PLB1: variants seen among roughly 807,000 people sequenced by gnomAD.
The protein encoded by PLB1 is phospholipase B1, membrane-associated.
A neutral mutation model predicts 227.4 loss-of-function variants in PLB1; 242 were observed. The ratio of observed to expected loss-of-function variants is 1.06; its 90% confidence interval spans 0.96 to 1.18. The LOEUF is 1.18. Ranked by LOEUF, PLB1 falls within the 50% of genes most tolerant of loss-of-function variation. PLB1 has a pLI of 0.00. For synonymous variants in PLB1, 757 were observed against 682.2 expected (o/e 1.11, Z -1.71); for missense variants, 1,858 against 1,816.3 (o/e 1.02, Z -0.42).
intron 6 of PLB1, among the ~76,000 whole-genome samples, chr2:28,528,437 G>A (rs969139114): frequency 6.6e-6 from 1 of 152,150 alleles, no homozygotes; most frequent in African/African-American, 2.4e-5. Flanking sequence ...TCTGGGACAT[G>A]TTCTCTGCAT....
intron 26 of PLB1, among the ~76,000 whole-genome samples, 186 bp downstream of exon 26, chr2:28,586,028 A>G (rs1253621242): frequency 1.3e-5 from 2 of 152,208 alleles, no homozygotes; most frequent in African/African-American, 2.4e-5. Context: ...GAATTGCACC[A>G]CAGAACCAAG....
At chr2:28,592,531 G>GCA in intron 31 of PLB1, 130 bp from the exon 32 acceptor site, 1 of 893,752 alleles carries the variant, frequency 1.1e-6, no homozygotes, top group Non-Finnish European at 1.9e-6. Flanking sequence ...ATGGCACTGT[G>GCA]CACACCCAGC....
chr2:28,641,259 C>T (rs751634445), intron 57 of PLB1, among the ~76,000 whole-genome samples: 20 of 152,162 alleles, frequency 1.3e-4, no homozygotes, highest in Non-Finnish European at 2.2e-4. Context: ...TGAGCACTGG[C>T]GGGTGTCTCG....
intron 20 of PLB1, among the ~76,000 whole-genome samples, chr2:28,569,523 G>T (rs956718829): frequency 2.0e-5 from 3 of 152,088 alleles, no homozygotes; most frequent in Non-Finnish European, 4.4e-5. Context: ...AATCAAGAAT[G>T]AAAGAGGAGA....
intron 30 of PLB1, 134 bp downstream of exon 30, chr2:28,591,305 T>G: frequency 5.6e-6 from 6 of 1,072,996 alleles, no homozygotes; most frequent in Non-Finnish European, 8.6e-6. Context: ...CCACCTGACC[T>G]TCAGATGGGG....
intron 16 of PLB1, among the ~76,000 whole-genome samples, chr2:28,551,600 A>G (rs2148223041): frequency 6.6e-6 from 1 of 152,310 alleles, no homozygotes; most frequent in South Asian, 2.1e-4. Flanking sequence ...TACACCTGAG[A>G]CGCAGCATGG....
intron 31 of PLB1, 72 bp downstream of exon 31, chr2:28,591,832 C>T (rs1238988764): frequency 2.8e-6 from 4 of 1,444,064 alleles, no homozygotes; most frequent in Non-Finnish European, 3.9e-6. Flanking sequence ...GTCCTCTGAC[C>T]TGACTTTCAC....
chr2:28,618,005 G>T (rs1686441144), intron 45 of PLB1, among the ~76,000 whole-genome samples: 1 of 152,218 alleles, frequency 6.6e-6, no homozygotes, highest in South Asian at 2.1e-4. Context: ...TATAGTCCCA[G>T]TGGCAGTCCC....
At chr2:28,528,724 A>G (rs1670604088) in intron 6 of PLB1, among the ~76,000 whole-genome samples, 1 of 152,180 alleles carries the variant, frequency 6.6e-6, no homozygotes, top group African/African-American at 2.4e-5. Flanking sequence ...ATTAAGTGAG[A>G]TAACGCATGT....
intron 19 of PLB1, chr2:28,566,406 A>C (rs928996341): frequency 3.4e-5 from 6 of 176,222 alleles, no homozygotes; most frequent in Non-Finnish European, 7.2e-5. Flanking sequence ...GGCTTTTCCA[A>C]GCCAAGCAGG....
rs747506894 is a variant in PLB1 at position 28,598,717 on chromosome 2, A to G, written c.2431A>G (p.Thr811Ala). The change falls in exon 35 of 58, where the codon ACG becomes GCG. Residue 811 changes from threonine (T) to alanine (A), a missense_variant. Physicochemically the swap from Thr to Ala is moderately conservative, Grantham distance 58 (BLOSUM62 0). Coordinates refer to ENST00000327757, the MANE Select transcript of PLB1 (RefSeq NM_153021.5). Reference protein sequence around the residue: ...YAVGTGDANDTNAFLNQAVPG... With the variant: ...YAVGTGDANDANAFLNQAVPG... Reference sequence around the variant, plus strand: ...CGTGGGCACGGGTGATGCCAATGACACGAATGCATTCCTCAATCAAGCTGT... The same window carrying G: ...CGTGGGCACGGGTGATGCCAATGACGCGAATGCATTCCTCAATCAAGCTGT... The G allele has an allele frequency of 3.7e-6, 6 of 1,614,124 alleles. No individual in the cohort carries two copies. In the African/African-American group the frequency reaches 8.0e-5, roughly 22 times the overall value.
intron 56 of PLB1, among the ~76,000 whole-genome samples, chr2:28,637,300 A>T (rs530447789): frequency 0.015 from 1,278 of 82,644 alleles, 8 homozygotes; most frequent in Non-Finnish European, 0.022. Flanking sequence ...TCTCAAATTT[A>T]AAAAAAAAAA....
Position 28,511,788 on chromosome 2 carries a change from C to CT in PLB1, c.56-5006dup, listed in dbSNP as rs59137589. ...TTTGGGAAGTTTTCAGCCATTTTAT[C>CT]TTTTTTTTTTTTTTGAGATGGAGTT... On this transcript the variant is annotated intron_variant, in intron 1 of 57. Transcript: ENST00000327757. Among the ~76,000 whole-genome samples the CT allele has an allele frequency of 8.4e-3, 1,108 of 132,608 alleles. 19 individuals are homozygous for CT. Among genetic ancestry groups the CT allele is most frequent in the African/African-American group, 0.024 (844 of 35,412 alleles). The allele number at this position is 132,608 out of a possible 152,430, so 87.0% of individuals were successfully genotyped here. A position where few individuals can be genotyped will look rare whatever the true frequency, so the allele number is the denominator to read the frequency against.
chr2:28,566,240 A>T (rs2148243483), intron 19 of PLB1, among the ~76,000 whole-genome samples: 1 of 140,808 alleles, frequency 7.1e-6, no homozygotes, highest in South Asian at 2.2e-4. Flanking sequence ...CCCTTGGCAC[A>T]GAATGGGGTG....
chr2:28,597,496 T>C (rs781534194), intron 33 of PLB1, among the ~76,000 whole-genome samples: 4 of 152,146 alleles, frequency 2.6e-5, no homozygotes, highest in Non-Finnish European at 5.9e-5. Flanking sequence ...GATGGGGCAT[T>C]GAAAGGTAGT....
At chr2:28,640,514 T>C (rs2148353468) in intron 56 of PLB1, among the ~76,000 whole-genome samples, 1 of 152,312 alleles carries the variant, frequency 6.6e-6, no homozygotes, top group Non-Finnish European at 1.5e-5. Context: ...CCATGCACTT[T>C]GAGAAGTTGG....
chr2:28,612,768 GAT>G lies in PLB1; in HGVS notation c.3130-1262_3130-1261del, dbSNP rs1685645557. 4.4e-5 allele frequency among the ~76,000 whole-genome samples: 5 copies of G among 112,530 alleles called. No homozygotes were observed. In the South Asian group the frequency reaches 1.4e-3, roughly 31 times the overall value. 73.8% of individuals were successfully genotyped at this position (112,530 alleles called of 152,430 possible). A position where few individuals can be genotyped will look rare whatever the true frequency, so the allele number is the denominator to read the frequency against. Reference sequence around the variant, plus strand: ...AGATTACAGATGTGTACCACACCTGGATTTTTTTTTTTTTTTTTTTGTATTTT... The same window carrying G: ...AGATTACAGATGTGTACCACACCTGGTTTTTTTTTTTTTTTTTTGTATTTT... On this transcript the variant is annotated intron_variant, in intron 43 of 57. Coordinates refer to ENST00000327757, the MANE Select transcript of PLB1 (RefSeq NM_153021.5).
chr2:28,606,676 A>C, intron 43 of PLB1, 109 bp downstream of exon 43: 2 of 994,288 alleles, frequency 2.0e-6, no homozygotes, highest in Non-Finnish European at 3.2e-6. Flanking sequence ...TTGCCCCCTT[A>C]CTGAGGCCTG....
intron 17 of PLB1, among the ~76,000 whole-genome samples, chr2:28,556,434 G>A (rs1370807999): frequency 6.6e-6 from 1 of 152,098 alleles, no homozygotes; most frequent in Non-Finnish European, 1.5e-5. Context: ...GTTGGTATTG[G>A]GTAGCCAGTA....
Sources: allele counts gnomAD v4.1 joint callset (sites outside exome capture counted in the v4.1 genomes callset), GRCh38; gene constraint gnomAD v4.1.1; transcripts MANE v1.5; gene names NCBI Gene and HGNC (gene_info 2026-07-23, HGNC 2026-07-21).